Variants in NBAS observed in about 807,000 individuals in gnomAD.
NBAS encodes the protein NAG/BC035112 fusion.
NBAS carries 219 observed loss-of-function variants against 302.5 expected under a neutral mutation model. That is an observed-to-expected ratio of 0.72 (90% CI 0.65 to 0.81). The LOEUF (loss-of-function observed/expected upper bound fraction) is 0.81, where lower values mean the gene tolerates loss of function less well. Ranked by LOEUF, NBAS falls within the 30% of genes least tolerant of loss-of-function variation. The probability of loss-of-function intolerance (pLI) is 0.00; values close to 1 mark genes in which losing one functional copy is unlikely to be tolerated. For synonymous variants in NBAS, 1,118 were observed against 1,021.6 expected, an observed-to-expected ratio of 1.09 and a Z score of -1.80; for missense variants, 2,932 against 2,841.6, an observed-to-expected ratio of 1.03 and a Z score of -0.72.
At chr2:14,890,614 T>A in the NBAS span, 1 of 152,018 alleles carries the variant, frequency 6.6e-6, no homozygotes, top group Non-Finnish European at 1.5e-5. Context: ...AGTCAGGAGT[T>A]TGAGACCAGC....
chr2:15,111,234 G>C, the NBAS span, among the ~76,000 whole-genome samples: 1 of 152,076 alleles, frequency 6.6e-6, no homozygotes, highest in African/African-American at 2.4e-5. Context: ...TTGTGAGATA[G>C]GTGTGTCTTT....
chr2:15,001,500 G>T, the NBAS span, among the ~76,000 whole-genome samples: 9 of 152,080 alleles, frequency 5.9e-5, no homozygotes, highest in Non-Finnish European at 1.0e-4. Context: ...ACTAGCAGGA[G>T]AAAACCTACA....
chr2:14,990,996 G>T, the NBAS span, among the ~76,000 whole-genome samples: 2 of 152,168 alleles, frequency 1.3e-5, no homozygotes, highest in Non-Finnish European at 2.9e-5. Context: ...CTTGAAGTGG[G>T]AGTGGGAGTT....
chr2:15,371,150 C>T (rs1473113940), intron 31 of NBAS, among the ~76,000 whole-genome samples: 2 of 152,146 alleles, frequency 1.3e-5, no homozygotes, highest in South Asian at 4.1e-4. Context: ...AAAAGCGCGG[C>T]ACTTCCTCGT....
chr2:15,541,804 G>A (rs1369497184), intron 6 of NBAS, among the ~76,000 whole-genome samples: 1 of 82,612 alleles, frequency 1.2e-5, no homozygotes, highest in Non-Finnish European at 2.9e-5. Context: ...GGAGGGAGGT[G>A]GGGGGGTTCA....
chr2:15,352,050 T>C lies in NBAS; in HGVS notation c.4121A>G (p.His1374Arg), dbSNP rs781048048. 3.1e-6 allele frequency: 5 copies of C among 1,611,456 alleles called. No homozygotes were observed. Among genetic ancestry groups the C allele is most frequent in the South Asian group, 2.2e-5 (2 of 91,022 alleles). Reference sequence around the variant, plus strand: ...ACTGATATTTTCCCCTCCTTCATGATGGATCTGGAAATTCACTCTTTGATA... The same window carrying C: ...ACTGATATTTTCCCCTCCTTCATGACGGATCTGGAAATTCACTCTTTGATA... Reference protein sequence around the residue: ...ILYQRVNFQIHHEGGENISAS... With the variant: ...ILYQRVNFQIRHEGGENISAS... The change falls in exon 35 of 52, where the codon CAT (histidine) becomes CGT (arginine). Residue 1374 changes from histidine to arginine, a missense_variant. By Grantham distance (29) the His-to-Arg change is conservative. Coordinates refer to ENST00000281513, the MANE Select transcript of NBAS (RefSeq NM_015909.4).
the NBAS span, among the ~76,000 whole-genome samples, chr2:14,823,778 A>AT: frequency 2.6e-5 from 4 of 152,246 alleles, no homozygotes; most frequent in African/African-American, 9.6e-5. Flanking sequence ...CTTAGTTACC[A>AT]TATCAACCAC....
chr2:15,004,427 A>G, the NBAS span, among the ~76,000 whole-genome samples: 2 of 152,222 alleles, frequency 1.3e-5, no homozygotes, highest in African/African-American at 2.4e-5. Context: ...TCAACATTGT[A>G]CACAAGAATC....
intron 21 of NBAS, among the ~76,000 whole-genome samples, chr2:15,452,587 C>CAAA (rs746981808): frequency 5.3e-5 from 4 of 75,984 alleles, no homozygotes; most frequent in Admixed American, 1.5e-4. Context: ...GACTCTGTCT[C>CAAA]AAAAAAAAAA....
chr2:15,144,050 T>A, the NBAS span, among the ~76,000 whole-genome samples: 32 of 124,234 alleles, frequency 2.6e-4, 2 homozygotes, highest in East Asian at 2.3e-3. Context: ...TATATAAAAA[T>A]ATATATATAT....
At chr2:15,163,974 T>G (rs1663955779), downstream of NBAS, among the ~76,000 whole-genome samples, 1 of 152,086 alleles carries the variant, frequency 6.6e-6, no homozygotes, top group Non-Finnish European at 1.5e-5. Context: ...TTTTTGTATT[T>G]TTAGGAGAGA....
chr2:15,342,810 T>C (rs923209679), intron 35 of NBAS, among the ~76,000 whole-genome samples: 1 of 152,094 alleles, frequency 6.6e-6, no homozygotes, highest in East Asian at 1.9e-4. Flanking sequence ...AGAAATATAG[T>C]GTGCCGGATA....
At chr2:14,940,254 T>G in the NBAS span, among the ~76,000 whole-genome samples, 1 of 152,212 alleles carries the variant, frequency 6.6e-6, no homozygotes, top group South Asian at 2.1e-4. Flanking sequence ...GAGACCTGAC[T>G]GCTGGAAAGT....
At chr2:14,897,354 T>C in the NBAS span, among the ~76,000 whole-genome samples, 2 of 152,182 alleles carry the variant, frequency 1.3e-5, no homozygotes, top group Non-Finnish European at 2.9e-5. Context: ...AAATATCCAC[T>C]TTTCTCTGCT....
At chr2:15,472,380 G>A (rs758630292) in intron 16 of NBAS, among the ~76,000 whole-genome samples, 1 of 152,132 alleles carries the variant, frequency 6.6e-6, no homozygotes, top group Non-Finnish European at 1.5e-5. Flanking sequence ...GTTTTCTAGT[G>A]AATCACCCAG....
the NBAS span, among the ~76,000 whole-genome samples, chr2:15,049,043 G>A: frequency 2.6e-5 from 4 of 152,236 alleles, no homozygotes; most frequent in Admixed American, 6.5e-5. Context: ...TCAGCCAGGC[G>A]AAGGGACTTT....
chr2:15,460,828 T>C lies in NBAS; in HGVS notation c.2339+373A>G, dbSNP rs190852383. ...TTGCTGAGCAAAGGAGGATGCAGTA[T>C]TCCTGGGTTTCTGGGTCTTCCCACC... is the stretch of plus-strand genomic sequence containing the variant. On this transcript the variant is annotated intron_variant, in intron 21 of 51. Coordinates refer to ENST00000281513, the MANE Select transcript of NBAS (RefSeq NM_015909.4). Among the ~76,000 whole-genome samples the C allele has an allele frequency of 1.1e-3, 168 of 152,324 alleles. 1 individual carries two copies. Among genetic ancestry groups the C allele is most frequent in the African/African-American group, 3.8e-3 (156 of 41,588 alleles).
chr2:14,896,282 C>T, the NBAS span, among the ~76,000 whole-genome samples: 7 of 152,062 alleles, frequency 4.6e-5, no homozygotes, highest in Non-Finnish European at 1.0e-4. Context: ...TCAGCCAATA[C>T]GCTATGTAAT....
chr2:15,424,409 T>G lies in NBAS; in HGVS notation c.2483A>C (p.Glu828Ala). 6.2e-7 allele frequency: 1 copy of G among 1,614,118 alleles called. No individual in the cohort carries two copies. Among genetic ancestry groups the G allele is most frequent in the East Asian group, 2.2e-5 (1 of 44,892 alleles). ...CTGGGTCATCCTGAACCTTAGTAAC[T>G]CAGGCTGTGCAGCATACAAGAATTC... ...ESEFLYAAQP[E>A]LLRFRMTQLT... The change falls in exon 23 of 52, where the codon GAG (glutamate) becomes GCG (alanine). Residue 828 changes from glutamate (E) to alanine (A), a missense_variant. Physicochemically the swap from Glu to Ala is moderately radical, Grantham distance 107. Transcript: ENST00000281513.
Sources: allele counts gnomAD v4.1 joint callset (sites outside exome capture counted in the v4.1 genomes callset), GRCh38; gene constraint gnomAD v4.1.1; transcripts MANE v1.5; gene names NCBI Gene and HGNC (gene_info 2026-07-23, HGNC 2026-07-21).